The following ARHGEF26 variants were observed in gnomAD, a reference collection of about 807,000 sequenced individuals.
ARHGEF26 encodes the protein Rho guanine nucleotide exchange factor 26, also known as Rho guanine nucleotide exchange factor (GEF) 26.
ARHGEF26 carries 59 observed loss-of-function variants against 89.4 expected under a neutral mutation model. The observed-to-expected ratio is 0.66, with a 90% CI of 0.54 to 0.82. The LOEUF is 0.82. Ranked by LOEUF, ARHGEF26 falls within the 40% of genes least tolerant of loss-of-function variation. The pLI is 0.00. For missense variants in ARHGEF26, 1,234 were observed against 1,085.6 expected, an observed-to-expected ratio of 1.14 and a Z score of -1.92; for synonymous variants, 500 against 428.4, an observed-to-expected ratio of 1.17 and a Z score of -2.06.
chr3:154,197,787 G>A (rs1231073989), intron 9 of ARHGEF26, among the ~76,000 whole-genome samples: 1 of 152,014 alleles, frequency 6.6e-6, no homozygotes, highest in East Asian at 1.9e-4. Context: ...TTAACATGCT[G>A]GGGGGAGAAA....
intron 6 of ARHGEF26, among the ~76,000 whole-genome samples, chr3:154,182,435 A>G (rs1713247193): frequency 6.6e-6 from 1 of 152,108 alleles, no homozygotes; most frequent in Admixed American, 6.5e-5. Flanking sequence ...CACTGTGTCA[A>G]CCAGGACCAG....
At chr3:154,208,186 A>G (rs553674197) in intron 9 of ARHGEF26, among the ~76,000 whole-genome samples, 75 of 152,264 alleles carry the variant, frequency 4.9e-4, no homozygotes, top group African/African-American at 1.6e-3. Flanking sequence ...GCAGTAAACC[A>G]CCATGGCAAA....
chr3:154,173,268 A>G (rs1576734949), intron 6 of ARHGEF26, among the ~76,000 whole-genome samples: 3 of 150,926 alleles, frequency 2.0e-5, no homozygotes, highest in African/African-American at 4.9e-5. Context: ...ATTTTTGCCA[A>G]TATAGAATAA....
intron 6 of ARHGEF26, among the ~76,000 whole-genome samples, chr3:154,163,408 A>G (rs935754504): frequency 2.0e-5 from 3 of 152,182 alleles, no homozygotes; most frequent in African/African-American, 7.2e-5. Flanking sequence ...CTGGAATTGT[A>G]CCTAGTGAGT....
chr3:154,123,243 C>G (rs1718111722), intron 2 of ARHGEF26, among the ~76,000 whole-genome samples, 168 bp downstream of exon 2: 1 of 152,158 alleles, frequency 6.6e-6, no homozygotes. Context: ...TTGATGCTGG[C>G]AGGCACAGCC....
intron 4 of ARHGEF26, among the ~76,000 whole-genome samples, chr3:154,146,003 C>G (rs1291112618): frequency 6.6e-6 from 1 of 152,146 alleles, no homozygotes; most frequent in African/African-American, 2.4e-5. Flanking sequence ...TTGTCTGTTC[C>G]TTTTTAGAGT....
intron 4 of ARHGEF26, among the ~76,000 whole-genome samples, chr3:154,136,245 CTAAAGTATTTTAATTTTAATTAAAGTAT>C (rs1718994933): frequency 1.1e-5 from 1 of 92,036 alleles, no homozygotes; most frequent in Non-Finnish European, 2.7e-5. Context: ...AATATTTTAA[CTAAAGTATTTTAATTTTAATTAAAGTAT>C]TTTAAGTAAA....
At chr3:154,124,570 A>G in intron 3 of ARHGEF26, 121 bp downstream of exon 3, 2 of 892,896 alleles carry the variant, frequency 2.2e-6, no homozygotes, top group Non-Finnish European at 3.3e-6. Context: ...CTTCTTCTCA[A>G]ATTATACAGT....
intron 10 of ARHGEF26, among the ~76,000 whole-genome samples, chr3:154,219,449 G>T (rs192580395): frequency 5.7e-4 from 87 of 152,118 alleles, no homozygotes; most frequent in Admixed American, 7.2e-4. Context: ...ACAAAAATTA[G>T]CCGGGTGTAG....
chr3:154,169,383 A>G (rs1712270977), intron 6 of ARHGEF26, among the ~76,000 whole-genome samples: 1 of 152,084 alleles, frequency 6.6e-6, no homozygotes, highest in Non-Finnish European at 1.5e-5. Flanking sequence ...AAAAAAAAAA[A>G]TGTGTTTCCT....
At chr3:154,171,651 G>A (rs1432649152) in intron 6 of ARHGEF26, among the ~76,000 whole-genome samples, 1 of 152,104 alleles carries the variant, frequency 6.6e-6, no homozygotes, top group Non-Finnish European at 1.5e-5. Context: ...CTTTTGAGAT[G>A]GCTATGAGAC....
chr3:154,254,691 A>C, intron 13 of ARHGEF26, 29 bp from the exon 14 acceptor site: 1 of 1,578,898 alleles, frequency 6.3e-7, no homozygotes, highest in Non-Finnish European at 8.7e-7. Context: ...CTGCTACTGG[A>C]AACTTAGTAT....
At chr3:154,150,502 T>C (rs1325310105) in intron 5 of ARHGEF26, among the ~76,000 whole-genome samples, 1 of 152,130 alleles carries the variant, frequency 6.6e-6, no homozygotes, top group African/African-American at 2.4e-5. Context: ...TATTTTTTGG[T>C]TTTCTGTTTT....
chr3:154,230,185 A>T (rs917086353), intron 11 of ARHGEF26, among the ~76,000 whole-genome samples: 1 of 148,982 alleles, frequency 6.7e-6, no homozygotes, highest in Non-Finnish European at 1.5e-5. Flanking sequence ...TTACTGTGTT[A>T]GTTTCTTACA....
chr3:154,240,653 T>C (rs940453714), intron 12 of ARHGEF26, 74 bp downstream of exon 12: 3 of 1,380,650 alleles, frequency 2.2e-6, no homozygotes, highest in Non-Finnish European at 2.9e-6. Flanking sequence ...GTTTACAGAC[T>C]TCCTAAAAAC....
intron 10 of ARHGEF26, among the ~76,000 whole-genome samples, chr3:154,224,955 A>C (rs1349032287): frequency 4.6e-5 from 7 of 152,164 alleles, no homozygotes; most frequent in Non-Finnish European, 1.0e-4. Context: ...GTTTGATTGC[A>C]TCACATTTCT....
At chr3:154,187,115 C>A in intron 6 of ARHGEF26, 1 of 359,298 alleles carries the variant, frequency 2.8e-6, no homozygotes, top group Non-Finnish European at 3.9e-6. Flanking sequence ...TGGTCTCGAT[C>A]CCTTCAACTC....
At chr3:154,189,475 C>G (rs1395116762) in intron 7 of ARHGEF26, among the ~76,000 whole-genome samples, 1 of 151,554 alleles carries the variant, frequency 6.6e-6, no homozygotes, top group East Asian at 1.9e-4. Context: ...GTAGCTGGGA[C>G]TACAAGTGCA....
chr3:154,202,821 A>C (rs1714736081), intron 9 of ARHGEF26, among the ~76,000 whole-genome samples: 1 of 148,840 alleles, frequency 6.7e-6, no homozygotes, highest in Non-Finnish European at 1.5e-5. Context: ...GTGTATAAGA[A>C]TGCTTGTGAT....
Sources: gnomAD v4.1 joint callset for allele counts (sites outside exome capture counted in the v4.1 genomes callset) on GRCh38, gnomAD v4.1.1 for gene constraint, MANE v1.5 for transcripts, NCBI Gene and HGNC (gene_info 2026-07-23, HGNC 2026-07-21) for gene names.